The following SVEP1 variants were observed in gnomAD, a reference collection of about 807,000 sequenced individuals.
SVEP1 encodes the protein sushi, von Willebrand factor type A, EGF and pentraxin domain containing 1, also known as sushi, von Willebrand factor type A, EGF and pentraxin domain-containing protein 1.
In SVEP1, 164 loss-of-function variants were observed where a neutral mutation model predicts 367.3. That is an observed-to-expected ratio of 0.45 (90% CI 0.39 to 0.51). The LOEUF (loss-of-function observed/expected upper bound fraction) is 0.51. SVEP1 is among the 20% of genes least tolerant of loss of function. The pLI is 0.00. For missense variants in SVEP1, 4,117 were observed against 4,425.3 expected (o/e 0.93, Z 1.98); for synonymous variants, 1,666 against 1,611.6 (o/e 1.03, Z -0.81).
chr9:110,566,281 C>T (rs1830492172), intron 1 of SVEP1, among the ~76,000 whole-genome samples: 1 of 150,976 alleles, frequency 6.6e-6, no homozygotes, highest in Non-Finnish European at 1.5e-5. Flanking sequence ...GTGATAGTGC[C>T]ACTGCATGCC....
At chr9:110,541,358 C>A (rs932141031) in intron 3 of SVEP1, among the ~76,000 whole-genome samples, 1 of 152,004 alleles carries the variant, frequency 6.6e-6, no homozygotes, top group Non-Finnish European at 1.5e-5. Flanking sequence ...CTGCTTTCTC[C>A]CATCTAATAG....
chr9:110,373,726 C>T (rs1827310712), intron 46 of SVEP1, among the ~76,000 whole-genome samples: 1 of 151,732 alleles, frequency 6.6e-6, no homozygotes, highest in Admixed American at 6.6e-5. Flanking sequence ...TATATTTCGG[C>T]ACTATGCTAA....
chr9:110,498,014 T>C (rs562181794), intron 7 of SVEP1, among the ~76,000 whole-genome samples: 1 of 152,332 alleles, frequency 6.6e-6, no homozygotes, highest in South Asian at 2.1e-4. Context: ...GCTTAAACAA[T>C]AGCTTGACTG....
intron 40 of SVEP1, among the ~76,000 whole-genome samples, chr9:110,397,295 A>C (rs931287164): frequency 3.3e-5 from 5 of 152,294 alleles, no homozygotes; most frequent in Admixed American, 6.5e-5. Context: ...ATTCAACAAC[A>C]CTTCATGCTA....
chr9:110,379,565 T>C, intron 43 of SVEP1, 48 bp from the exon 44 acceptor site: 1 of 1,585,152 alleles, frequency 6.3e-7, no homozygotes, highest in Non-Finnish European at 8.6e-7. Context: ...TAACACAGAC[T>C]GAGAACACAG....
intron 9 of SVEP1, among the ~76,000 whole-genome samples, chr9:110,486,007 C>T (rs542187640): frequency 9.2e-5 from 14 of 152,234 alleles, no homozygotes; most frequent in African/African-American, 3.4e-4. Context: ...TTTATTATTT[C>T]ACTGTAGACC....
intron 9 of SVEP1, among the ~76,000 whole-genome samples, chr9:110,484,555 A>G (rs989641771): frequency 6.6e-6 from 1 of 152,250 alleles, no homozygotes; most frequent in African/African-American, 2.4e-5. Context: ...TGACGAAAAC[A>G]TCAAAAGCAA....
At chr9:110,403,177 G>C (rs1367816959) in intron 39 of SVEP1, among the ~76,000 whole-genome samples, 1 of 151,428 alleles carries the variant, frequency 6.6e-6, no homozygotes, top group Middle Eastern at 3.2e-3. Context: ...CCCAACTCCA[G>C]CAAGAGTCTA....
intron 3 of SVEP1, among the ~76,000 whole-genome samples, chr9:110,537,570 C>T (rs1440712449): frequency 1.3e-5 from 2 of 151,784 alleles, no homozygotes; most frequent in Non-Finnish European, 2.9e-5. Context: ...AAATATGTTA[C>T]ATTAGAATAG....
At chr9:110,399,358 G>A (rs1390488022) in intron 40 of SVEP1, among the ~76,000 whole-genome samples, 1 of 148,716 alleles carries the variant, frequency 6.7e-6, no homozygotes, top group East Asian at 2.0e-4. Context: ...GGTCGGGGGA[G>A]GGATAGCATT....
intron 21 of SVEP1, among the ~76,000 whole-genome samples, chr9:110,456,844 T>A (rs929836116): frequency 6.6e-6 from 1 of 152,202 alleles, no homozygotes; most frequent in Non-Finnish European, 1.5e-5. Context: ...AAACAAAGCA[T>A]AGCTATTCAT....
chr9:110,385,644 T>A (rs1827509853), intron 43 of SVEP1, among the ~76,000 whole-genome samples: 3 of 152,222 alleles, frequency 2.0e-5, no homozygotes, highest in Admixed American at 2.0e-4. Flanking sequence ...ATTTAATACC[T>A]TGCTCATTCT....
chr9:110,506,765 A>C (rs1829632799), intron 5 of SVEP1, among the ~76,000 whole-genome samples: 2 of 152,130 alleles, frequency 1.3e-5, no homozygotes, highest in South Asian at 4.2e-4. Context: ...GGAGGAGCGT[A>C]AAGGAGAAAG....
chr9:110,476,186 G>T lies in SVEP1; in HGVS notation c.2599+18C>A. On this transcript the variant is annotated intron_variant, in intron 14 of 47. Coordinates refer to ENST00000374469, the MANE Select transcript of SVEP1 (RefSeq NM_153366.4). ...CAGATTAGTCTTGCCAACTACCGAT[G>T]CCACAGAATTTAATTACCAATTGCA... 6.6e-7 allele frequency: 1 copy of T among 1,512,470 alleles called. No homozygotes were observed. Among genetic ancestry groups the T allele is most frequent in the Non-Finnish European group, 9.2e-7 (1 of 1,089,324 alleles). The allele number at this position is 1,512,470 out of a possible 1,614,324, so 93.7% of individuals were successfully genotyped here. A position where few individuals can be genotyped will look rare whatever the true frequency, so the allele number is the denominator to read the frequency against.
chr9:110,472,649 G>C (rs1395008723), intron 14 of SVEP1, among the ~76,000 whole-genome samples: 1 of 152,052 alleles, frequency 6.6e-6, no homozygotes, highest in Admixed American at 6.6e-5. Context: ...TAAGAGCTGG[G>C]TGCAAAATTC....
At chr9:110,486,666 T>C (rs1829283487) in intron 9 of SVEP1, among the ~76,000 whole-genome samples, 2 of 151,168 alleles carry the variant, frequency 1.3e-5, no homozygotes, top group East Asian at 1.9e-4. Flanking sequence ...TTTTTTTTTT[T>C]AGATGGAGTC....
intron 12 of SVEP1, among the ~76,000 whole-genome samples, chr9:110,480,504 T>C (rs184804955): frequency 8.5e-5 from 13 of 152,336 alleles, no homozygotes; most frequent in Admixed American, 8.5e-4. Context: ...TATAACAATG[T>C]ATATTTAAGA....
In SVEP1 at chr9:110,408,449, G is replaced by A; in HGVS notation, c.7151C>T (p.Pro2384Leu). Residue 2384 changes from proline (P) to leucine (L), a missense_variant, in exon 38 of 48, where the codon CCT becomes CTT. By Grantham distance (98) the Pro-to-Leu change is moderately conservative. Around this residue, in one of 4 missense-constraint regions of SVEP1, gnomAD observed 1,765 missense variants for 1,781.1 expected, o/e 0.99. Transcript: ENST00000374469. ...PVCKIVLCTPPPLISFGVPIP... is the reference protein window; with the variant it reads ...PVCKIVLCTPLPLISFGVPIP... Reference sequence around the variant, plus strand: ...GGGGACACCAAAGGAAATTAGGGGAGGTGGGGTACAAAGAACAATCTTACA... The same window carrying A: ...GGGGACACCAAAGGAAATTAGGGGAAGTGGGGTACAAAGAACAATCTTACA... The A allele has an allele frequency of 6.2e-7, 1 of 1,613,986 alleles. No individual in the cohort carries two copies. Among genetic ancestry groups the A allele is most frequent in the Non-Finnish European group, 8.5e-7 (1 of 1,179,898 alleles).
intron 18 of SVEP1, among the ~76,000 whole-genome samples, chr9:110,463,445 T>G (rs763535545): frequency 5.3e-5 from 8 of 151,956 alleles, no homozygotes; most frequent in Non-Finnish European, 2.9e-5. Context: ...ATATTTTAAG[T>G]GCCACATGAT....
Sources: gnomAD v4.1 joint callset for allele counts (sites outside exome capture counted in the v4.1 genomes callset) on GRCh38, gnomAD v4.1.1 for gene constraint, gnomAD v4.1.1 regional missense constraint, MANE v1.5 for transcripts, NCBI Gene and HGNC (gene_info 2026-07-23, HGNC 2026-07-21) for gene names.